The following CSMD1 variants were observed in gnomAD, a reference collection of about 807,000 sequenced individuals.
CSMD1 encodes the protein CUB and sushi domain-containing protein 1.
A neutral mutation model predicts 417.5 loss-of-function variants in CSMD1; 213 were observed. The ratio of observed to expected loss-of-function variants is 0.51; its 90% CI spans 0.46 to 0.57. The LOEUF (loss-of-function observed/expected upper bound fraction) is 0.57, where lower values mean the gene tolerates loss of function less well. Ranked by LOEUF, CSMD1 falls within the 20% of genes least tolerant of loss-of-function variation. CSMD1 has a pLI of 0.00. For missense variants in CSMD1, 6,923 were observed against 4,529.7 expected, an observed-to-expected ratio of 1.53 and a Z score of -15.17; for synonymous variants, 2,862 against 1,736.8, an observed-to-expected ratio of 1.65 and a Z score of -16.11.
At chr8:4,324,626 A>T (rs371064470) in intron 3 of CSMD1, among the ~76,000 whole-genome samples, 1 of 152,220 alleles carries the variant, frequency 6.6e-6, no homozygotes, top group East Asian at 1.9e-4. Flanking sequence ...ATGACCTCCC[A>T]TACAGAAGAA....
At chr8:3,388,936 C>T (rs1258099791) in intron 17 of CSMD1, among the ~76,000 whole-genome samples, 2 of 120,846 alleles carry the variant, frequency 1.7e-5, no homozygotes, top group African/African-American at 6.0e-5. Context: ...CACACACACA[C>T]ACACATTCAC....
intron 3 of CSMD1, among the ~76,000 whole-genome samples, chr8:4,046,444 A>T (rs1243019443): frequency 6.6e-6 from 1 of 152,202 alleles, no homozygotes; most frequent in Non-Finnish European, 1.5e-5. Context: ...CTGTTACTGA[A>T]TTCACATAAA....
chr8:3,818,027 C>T (rs904266052), intron 5 of CSMD1, among the ~76,000 whole-genome samples: 1 of 152,124 alleles, frequency 6.6e-6, no homozygotes, highest in East Asian at 1.9e-4. Context: ...ACCTTCCAAC[C>T]CCAAACCACG....
At chr8:4,966,834 T>A (rs1172541831) in intron 1 of CSMD1, among the ~76,000 whole-genome samples, 1 of 152,202 alleles carries the variant, frequency 6.6e-6, no homozygotes, top group Non-Finnish European at 1.5e-5. Context: ...AACATGCCCT[T>A]CAAATTACTG....
At chr8:3,395,930 G>A (rs1409493740) in intron 17 of CSMD1, among the ~76,000 whole-genome samples, 1 of 152,116 alleles carries the variant, frequency 6.6e-6, no homozygotes, top group Non-Finnish European at 1.5e-5. Flanking sequence ...ATTCTATGCA[G>A]AAGATGAACC....
chr8:4,852,285 G>T (rs751231464), intron 1 of CSMD1, among the ~76,000 whole-genome samples: 1 of 152,128 alleles, frequency 6.6e-6, no homozygotes, highest in East Asian at 1.9e-4. Flanking sequence ...GAGGTGCTGG[G>T]GTTGTGGGAG....
intron 3 of CSMD1, among the ~76,000 whole-genome samples, chr8:4,098,026 C>T (rs1801112097): frequency 6.6e-6 from 1 of 152,112 alleles, no homozygotes; most frequent in African/African-American, 2.4e-5. Flanking sequence ...TGCAGGAGTT[C>T]ATATAATTTT....
intron 5 of CSMD1, among the ~76,000 whole-genome samples, chr8:3,973,407 C>A (rs549724099): frequency 6.6e-6 from 1 of 152,138 alleles, no homozygotes; most frequent in Non-Finnish European, 1.5e-5. Context: ...ACCTGTCACA[C>A]CCTACTAGTG....
intron 6 of CSMD1, among the ~76,000 whole-genome samples, chr8:3,715,980 A>G (rs1217382332): frequency 6.6e-6 from 1 of 152,172 alleles, no homozygotes; most frequent in African/African-American, 2.4e-5. Flanking sequence ...TTCTCTTTGC[A>G]TCTCTTCCCA....
At chr8:3,952,573 G>A (rs1373569892) in intron 5 of CSMD1, among the ~76,000 whole-genome samples, 1 of 152,152 alleles carries the variant, frequency 6.6e-6, no homozygotes, top group African/African-American at 2.4e-5. Context: ...GCAGAAAACA[G>A]ATCAGCAGTC....
intron 7 of CSMD1, among the ~76,000 whole-genome samples, chr8:3,683,021 G>A (rs1185181529): frequency 6.6e-6 from 1 of 152,076 alleles, no homozygotes; most frequent in Non-Finnish European, 1.5e-5. Flanking sequence ...ACAGGAAGGG[G>A]AACATCACAC....
chr8:2,963,284 T>A lies in CSMD1; in HGVS notation c.9392A>T (p.His3131Leu). Residue 3131 changes from histidine to leucine, a missense_variant, in exon 60 of 70, where the codon CAC (histidine) becomes CTC (leucine). Coordinates refer to ENST00000635120, the MANE Select transcript of CSMD1 (RefSeq NM_033225.6). ...YSCMDGYQLS[H>L]SAILSCEGRG... ...ACCTTCACAGGAGAGGATGGCGGAG[T>A]GAGAGAGCTGGTAACCGTCCATGCA... 3 of 1,613,560 alleles carry A rather than the reference T, an allele frequency of 1.9e-6. No individual in the cohort carries two copies. The highest frequency in any genetic ancestry group is 2.5e-6 in the Non-Finnish European group (3 of 1,179,818).
chr8:3,703,644 T>C (rs1319799465), intron 7 of CSMD1, among the ~76,000 whole-genome samples: 1 of 152,064 alleles, frequency 6.6e-6, no homozygotes, highest in Non-Finnish European at 1.5e-5. Context: ...TTCACTGGCC[T>C]AGCAGGAAGA....
At chr8:4,585,751 A>G (rs192869062) in intron 2 of CSMD1, among the ~76,000 whole-genome samples, 1 of 152,344 alleles carries the variant, frequency 6.6e-6, no homozygotes, top group Non-Finnish European at 1.5e-5. Flanking sequence ...ATAGAGCTCT[A>G]TACAAAGTGA....
chr8:3,698,711 G>A (rs890153011), intron 7 of CSMD1, among the ~76,000 whole-genome samples: 2 of 152,212 alleles, frequency 1.3e-5, no homozygotes, highest in African/African-American at 4.8e-5. Flanking sequence ...GAAGCAAAAT[G>A]TGTTTCTCAC....
At chr8:3,798,679 C>A (rs1800295481) in intron 5 of CSMD1, among the ~76,000 whole-genome samples, 1 of 152,040 alleles carries the variant, frequency 6.6e-6, no homozygotes, top group South Asian at 2.1e-4. Flanking sequence ...CATTTACACA[C>A]ATATAAGTGT....
intron 2 of CSMD1, among the ~76,000 whole-genome samples, chr8:4,428,531 C>A (rs187676057): frequency 6.6e-6 from 1 of 152,098 alleles, no homozygotes; most frequent in Admixed American, 6.6e-5. Flanking sequence ...GGTATACACA[C>A]AGAAGTATGT....
At chr8:4,082,198 AT>A (rs1452806663) in intron 3 of CSMD1, among the ~76,000 whole-genome samples, 4 of 152,120 alleles carry the variant, frequency 2.6e-5, no homozygotes, top group Non-Finnish European at 5.9e-5. Context: ...CTGTGAATAA[AT>A]TTTTCCCCAA....
intron 3 of CSMD1, among the ~76,000 whole-genome samples, chr8:4,236,653 T>G (rs1802083134): frequency 6.6e-6 from 1 of 152,188 alleles, no homozygotes; most frequent in African/African-American, 2.4e-5. Flanking sequence ...AATGTTAAAA[T>G]AATGAATTGC....
Sources: gnomAD v4.1 joint callset for allele counts (sites outside exome capture counted in the v4.1 genomes callset) on GRCh38, gnomAD v4.1.1 for gene constraint, MANE v1.5 for transcripts, NCBI Gene and HGNC (gene_info 2026-07-23, HGNC 2026-07-21) for gene names.